SORL1: variants seen among roughly 807,000 people sequenced by gnomAD.
SORL1 encodes sortilin-related receptor.
SORL1 carries 127 observed loss-of-function variants against 273.7 expected under a neutral mutation model. The ratio of observed to expected loss-of-function variants is 0.46; its 90% CI spans 0.40 to 0.54. SORL1 has a LOEUF of 0.54. Among genes scored for constraint, SORL1 ranks in the 20% least tolerant of loss-of-function variants. The pLI, the probability that SORL1 is intolerant of heterozygous loss-of-function variation, is 0.00. For missense variants in SORL1, 2,494 were observed against 2,846.1 expected (o/e 0.88, Z 2.81); for synonymous variants, 1,031 against 1,067.4 (o/e 0.97, Z 0.66).
At chr11:121,607,863 A>G (rs1000185424) in intron 37 of SORL1, among the ~76,000 whole-genome samples, 1 of 152,072 alleles carries the variant, frequency 6.6e-6, no homozygotes, top group Non-Finnish European at 1.5e-5. Flanking sequence ...ATATTTGTGG[A>G]TCAATAGAAA....
At chr11:121,608,340 G>C in intron 38 of SORL1, 164 bp downstream of exon 38, 1 of 610,734 alleles carries the variant, frequency 1.6e-6, no homozygotes. Flanking sequence ...TAGTGCTTTA[G>C]ATAGAGTCTT....
At chr11:121,493,262 TTTTA>T (rs1861582162) in intron 5 of SORL1, among the ~76,000 whole-genome samples, 1 of 151,066 alleles carries the variant, frequency 6.6e-6, no homozygotes, top group Non-Finnish European at 1.5e-5. Flanking sequence ...TTATGGTTTG[TTTTA>T]TTTATTTGTT....
chr11:121,540,026 C>A (rs1862323534), intron 12 of SORL1, among the ~76,000 whole-genome samples: 1 of 152,152 alleles, frequency 6.6e-6, no homozygotes, highest in African/African-American at 2.4e-5. Context: ...ACTTATCTTG[C>A]TACTATTCCA....
At chr11:121,473,524 C>G (rs1861206390) in intron 2 of SORL1, among the ~76,000 whole-genome samples, 2 of 152,214 alleles carry the variant, frequency 1.3e-5, no homozygotes, top group Admixed American at 1.3e-4. Flanking sequence ...TTACAAAGTA[C>G]TAGGTTTACA....
At chr11:121,622,344 C>A in intron 45 of SORL1, 76 bp downstream of exon 45, 4 of 771,668 alleles carry the variant, frequency 5.2e-6, no homozygotes, top group Non-Finnish European at 8.9e-6. Context: ...TTGTTGACAG[C>A]ATGCTGGCAT....
At chr11:121,475,708 C>T (rs930917750) in intron 2 of SORL1, among the ~76,000 whole-genome samples, 1 of 152,182 alleles carries the variant, frequency 6.6e-6, no homozygotes, top group Non-Finnish European at 1.5e-5. Context: ...AGTAGAGAGA[C>T]AACTGGACGT....
chr11:121,524,685 C>G (rs928933068), intron 11 of SORL1, among the ~76,000 whole-genome samples: 1 of 152,188 alleles, frequency 6.6e-6, no homozygotes, highest in Non-Finnish European at 1.5e-5. Context: ...TGCAAATTCT[C>G]TGATCCTCAG....
chr11:121,475,277 A>G (rs1470174769), intron 2 of SORL1, among the ~76,000 whole-genome samples: 1 of 147,742 alleles, frequency 6.8e-6, no homozygotes, highest in Non-Finnish European at 1.5e-5. Context: ...GTCAGAAAAA[A>G]GAGAAAGAAA....
chr11:121,529,613 G>A (rs1011186947), intron 11 of SORL1, among the ~76,000 whole-genome samples: 3 of 151,638 alleles, frequency 2.0e-5, no homozygotes, highest in Non-Finnish European at 2.9e-5. Context: ...GTTGGGTCTT[G>A]TGTGTTGTCC....
chr11:121,510,822 G>A (rs762828053), intron 6 of SORL1, among the ~76,000 whole-genome samples: 4 of 152,190 alleles, frequency 2.6e-5, no homozygotes, highest in Non-Finnish European at 5.9e-5. Context: ...CACAAGAGCT[G>A]TTAGCCACTG....
At position 121,516,776 on chromosome 11, in the gene SORL1, G is replaced by A. The variant is rs573233965; in HGVS notation, c.1211+2455G>A. Among the ~76,000 whole-genome samples the A allele has an allele frequency of 4.6e-5, 7 of 152,122 alleles. No homozygotes were observed. The South Asian group carries it at 1.2e-3, about 27-fold the overall frequency. On this transcript the variant is annotated intron_variant, in intron 8 of 47. Transcript: ENST00000260197. ...TTATTGAAAAAATTATTTACTGGCCGGGCATGGTGGCTCACGCCTGTAAAC... is the reference window on the plus strand; with the variant it reads ...TTATTGAAAAAATTATTTACTGGCCAGGCATGGTGGCTCACGCCTGTAAAC...
At chr11:121,559,771 C>A in intron 21 of SORL1, 114 bp downstream of exon 21, 6 of 820,506 alleles carry the variant, frequency 7.3e-6, no homozygotes, top group Non-Finnish European at 9.7e-6. Flanking sequence ...GTTGTCACGA[C>A]AACATGCACA....
intron 11 of SORL1, among the ~76,000 whole-genome samples, chr11:121,529,178 T>G (rs928753341): frequency 6.6e-6 from 1 of 152,230 alleles, no homozygotes; most frequent in Non-Finnish European, 1.5e-5. Context: ...TTATCTGATA[T>G]TAAAATAGTT....
intron 23 of SORL1, among the ~76,000 whole-genome samples, chr11:121,572,945 C>G (rs1020771194): frequency 6.6e-6 from 1 of 152,180 alleles, no homozygotes; most frequent in African/African-American, 2.4e-5. Flanking sequence ...ATTTCGTGCA[C>G]GACAACCCCT....
rs766279573 is a variant in SORL1, at chr11:121,452,399, C to T, written c.68C>T (p.Pro23Leu). The change falls in exon 1 of 48, where the codon CCG becomes CTG. Residue 23 changes from proline (P) to leucine (L), a missense_variant. Coordinates refer to ENST00000260197, the MANE Select transcript of SORL1 (RefSeq NM_003105.6). This position sits in a 1 kb window ranked among gnomAD's most constrained non-coding sequence, Gnocchi z 5.3. ...CTATTCACCCTGGTCGCACTGCTGC[C>T]GCCCGGAGCTCTCTGCGAAGTCTGG... ...PFLFTLVALLPPGALCEVWTQ... is the reference protein window; with the variant it reads ...PFLFTLVALLLPGALCEVWTQ... 13 of 1,535,490 alleles carry T rather than the reference C, an allele frequency of 8.5e-6. No individual in the cohort carries two copies. In the East Asian group the frequency reaches 3.2e-4, roughly 38 times the overall value.
chr11:121,530,021 A>G (rs964183035), intron 11 of SORL1, among the ~76,000 whole-genome samples: 4 of 152,172 alleles, frequency 2.6e-5, no homozygotes, highest in Non-Finnish European at 4.4e-5. Flanking sequence ...CTAATCTTTT[A>G]TAGTCTTCTT....
chr11:121,476,008 AAG>A (rs1387015528), intron 2 of SORL1, among the ~76,000 whole-genome samples: 1 of 152,200 alleles, frequency 6.6e-6, no homozygotes, highest in Non-Finnish European at 1.5e-5. Flanking sequence ...TTTTCAGATG[AAG>A]AGAGAGAATG....
Position 121,583,535 on chromosome 11 carries a change from G to C in SORL1, c.3658G>C (p.Gly1220Arg), listed in dbSNP as rs765993346. Residue 1220 changes from glycine (G) to arginine (R), a missense_variant, in exon 26 of 48, where the codon GGG (glycine) becomes CGG (arginine). Gly to Arg is a moderately radical substitution (Grantham distance 125). Coordinates refer to ENST00000260197, the MANE Select transcript of SORL1 (RefSeq NM_003105.6). ...CATCCCCCAGCGGTGGGCGTGTGAC[G>C]GGGATACGGACTGCCAGGATGGTTC... ...HCIPQRWACD[G>R]DTDCQDGSDE... is the part of the protein sequence containing the mutation. 1 of 1,612,540 alleles carries C rather than the reference G, an allele frequency of 6.2e-7. No homozygotes were observed. The highest frequency in any genetic ancestry group is 1.7e-5 in the Admixed American group (1 of 59,838).
At chr11:121,617,601 C>T (rs1034269388) in intron 41 of SORL1, among the ~76,000 whole-genome samples, 5 of 152,206 alleles carry the variant, frequency 3.3e-5, no homozygotes, top group African/African-American at 1.2e-4. Context: ...AGTTCCTGCT[C>T]ATCCCATGGA....
Sources: allele counts gnomAD v4.1 joint callset (sites outside exome capture counted in the v4.1 genomes callset), GRCh38; gene constraint gnomAD v4.1.1; non-coding constraint Gnocchi (gnomAD v3.1); transcripts MANE v1.5; gene names NCBI Gene and HGNC (gene_info 2026-07-23, HGNC 2026-07-21).